The following MOK variants were observed in gnomAD, a reference collection of about 807,000 sequenced individuals.
MOK encodes MAPK/MAK/MRK overlapping kinase.
A neutral mutation model predicts 54.2 loss-of-function variants in MOK; 59 were observed. That is an observed-to-expected ratio of 1.09 (90% confidence interval 0.88 to 1.35). The LOEUF is 1.35. Ranked by LOEUF, MOK falls within the 40% of genes most tolerant of loss-of-function variation. The pLI, the probability that MOK is intolerant of heterozygous loss-of-function variation, is 0.00. For missense variants in MOK, 517 were observed against 526.2 expected (o/e 0.98, Z 0.17); for synonymous variants, 210 against 202.7 (o/e 1.04, Z -0.31).
downstream of MOK, among the ~76,000 whole-genome samples, chr14:102,224,004 A>AC (rs1354852309): frequency 7.3e-5 from 11 of 151,382 alleles, no homozygotes; most frequent in Non-Finnish European, 1.5e-5. Context: ...TGAACATGGG[A>AC]CATGAACTAG....
chr14:102,283,406 C>G (rs1268139692), intron 2 of MOK, 72 bp downstream of exon 2: 3 of 920,458 alleles, frequency 3.3e-6, no homozygotes, highest in African/African-American at 1.7e-5. Flanking sequence ...AAGCTCCCCC[C>G]TAATATTAAG....
At chr14:102,296,072 C>T (rs1440591049) in intron 1 of MOK, among the ~76,000 whole-genome samples, 1 of 151,958 alleles carries the variant, frequency 6.6e-6, no homozygotes, top group East Asian at 1.9e-4. Flanking sequence ...ATGGTGAAAC[C>T]GAGTCTCTAC....
the MOK span, among the ~76,000 whole-genome samples, chr14:102,218,670 A>T: frequency 7.9e-5 from 12 of 152,038 alleles, no homozygotes; most frequent in East Asian, 2.3e-3. Flanking sequence ...TTTTGAACTG[A>T]AGTCTCTAGC....
chr14:102,232,885 C>T lies in MOK; in HGVS notation c.693-177G>A, dbSNP rs2064862989. ...AGGGACCCCTGATGTAAATGATGGGCTCTGTGTAGTAATGAGATATCCACG... is the reference window on the plus strand; with the variant it reads ...AGGGACCCCTGATGTAAATGATGGGTTCTGTGTAGTAATGAGATATCCACG... On this transcript the variant is annotated intron_variant, in intron 8 of 11. Coordinates refer to ENST00000361847, the MANE Select transcript of MOK (RefSeq NM_014226.3). The surrounding 1 kb of genome is among the most constrained non-coding windows in gnomAD (Gnocchi z 5.1). The T allele has an allele frequency of 3.7e-6, 2 of 546,488 alleles. No individual in the cohort carries two copies. The highest frequency in any genetic ancestry group is 3.0e-5 in the East Asian group (1 of 33,392). The allele number at this position is 546,488 out of a possible 1,614,324, so 33.9% of individuals were successfully genotyped here.
At chr14:102,242,378 G>T (rs2065788667) in intron 7 of MOK, among the ~76,000 whole-genome samples, 1 of 152,134 alleles carries the variant, frequency 6.6e-6, no homozygotes, top group African/African-American at 2.4e-5. Context: ...ATTAGGTGGA[G>T]ACATTTTAAC....
chr14:102,275,908 A>G (rs1346038304), intron 2 of MOK, among the ~76,000 whole-genome samples: 1 of 152,202 alleles, frequency 6.6e-6, no homozygotes, highest in African/African-American at 2.4e-5. Context: ...AATTTTTAAA[A>G]TTATTTTTTC....
At position 102,245,912 on chromosome 14, in the gene MOK, C is replaced by A. The variant is rs942456746; in HGVS notation, c.590+4900G>T. The A allele has an allele frequency of 1.3e-5, 2 of 153,060 alleles. No homozygotes were observed. Among genetic ancestry groups the A allele is most frequent in the Non-Finnish European group, 2.9e-5 (2 of 68,072 alleles). The allele number at this position is 153,060 out of a possible 1,614,324, so 9.5% of individuals were successfully genotyped here. On this transcript the variant is annotated intron_variant, in intron 7 of 11. Coordinates refer to ENST00000361847, the MANE Select transcript of MOK (RefSeq NM_014226.3). This position sits in a 1 kb window ranked among gnomAD's most constrained non-coding sequence, Gnocchi z 4.3. ...TATTCCAGCACACTCCTTGGGCCAA[C>A]CTGACTCCGCCTCACATCCATCCCA...
At chr14:102,257,518 T>C (rs928073687) in intron 4 of MOK, among the ~76,000 whole-genome samples, 5 of 152,154 alleles carry the variant, frequency 3.3e-5, no homozygotes, top group Non-Finnish European at 7.3e-5. Flanking sequence ...GGGAGGCTGT[T>C]ATTTGCAACT....
At chr14:102,262,462 T>A (rs971580523) in intron 4 of MOK, among the ~76,000 whole-genome samples, 1 of 152,240 alleles carries the variant, frequency 6.6e-6, no homozygotes, top group Non-Finnish European at 1.5e-5. Flanking sequence ...CAGCTTTATA[T>A]ACATCAACTT....
At chr14:102,222,978 G>A (rs987545461), downstream of MOK, 40 of 1,509,660 alleles carry the variant, frequency 2.6e-5, no homozygotes, top group Middle Eastern at 2.1e-4. This position sits in a 1 kb window ranked among gnomAD's most constrained non-coding sequence, Gnocchi z 4.4. Flanking sequence ...GCCAGCCGGC[G>A]GACCTCAGGC....
At chr14:102,251,562 GCAGT>G in intron 6 of MOK, 190 bp downstream of exon 6, 1 of 657,944 alleles carries the variant, frequency 1.5e-6, no homozygotes. Flanking sequence ...TCTTCCAGGT[GCAGT>G]CAGTTATGTT....
chr14:102,231,974 T>C lies in MOK; in HGVS notation c.867-153A>G. The C allele has an allele frequency of 1.7e-6, 1 of 585,384 alleles. No homozygotes were observed. Among genetic ancestry groups the C allele is most frequent in the South Asian group, 2.4e-5 (1 of 41,192 alleles). The allele number at this position is 585,384 out of a possible 1,614,324, so 36.3% of individuals were successfully genotyped here. On this transcript the variant is annotated intron_variant, in intron 9 of 11. Transcript: ENST00000361847. The surrounding 1 kb of genome is among the most constrained non-coding windows in gnomAD (Gnocchi z 4.4). ...TGTAATCAGGAGCCTTTTTTTTTCTTTTCTGTCTCAGCCTGACAGTCTCTG... is the reference window on the plus strand; with the variant it reads ...TGTAATCAGGAGCCTTTTTTTTTCTCTTCTGTCTCAGCCTGACAGTCTCTG...
At chr14:102,304,916 C>G (rs2072621482) in intron 1 of MOK, 46 bp downstream of exon 1, 2 of 1,566,198 alleles carry the variant, frequency 1.3e-6, no homozygotes, top group East Asian at 4.6e-5. Flanking sequence ...CTCCCTCCCC[C>G]GCCACTCGCT....
At chr14:102,298,622 T>C (rs933724020) in intron 1 of MOK, among the ~76,000 whole-genome samples, 1 of 148,662 alleles carries the variant, frequency 6.7e-6, no homozygotes, top group Admixed American at 6.6e-5. Context: ...AACAGACCAA[T>C]TGGCTCTCTG....
chr14:102,288,540 G>A (rs576605797), intron 1 of MOK, among the ~76,000 whole-genome samples: 11 of 152,322 alleles, frequency 7.2e-5, no homozygotes, highest in African/African-American at 2.6e-4. Flanking sequence ...TGGAATGTGG[G>A]ATAAAGGAGT....
At chr14:102,279,511 G>A (rs1488494483) in intron 2 of MOK, among the ~76,000 whole-genome samples, 2 of 152,028 alleles carry the variant, frequency 1.3e-5, no homozygotes, top group African/African-American at 4.8e-5. Flanking sequence ...TTGCCATGTT[G>A]CCCAGGCTGG....
In MOK at chr14:102,244,625, G is replaced by A. The variant is rs564710188; in HGVS notation, c.590+6187C>T. 2.0e-5 allele frequency among the ~76,000 whole-genome samples: 3 copies of A among 152,244 alleles called. No homozygotes were observed. In the East Asian group the frequency reaches 5.8e-4, roughly 29 times the overall value. On this transcript the variant is annotated intron_variant, in intron 7 of 11. Transcript: ENST00000361847. Reference sequence around the variant, plus strand: ...ACTGGCAAATTGACTTTACTCACATGCCCTGAGTCAGGAAACTAAAATACG... The same window carrying A: ...ACTGGCAAATTGACTTTACTCACATACCCTGAGTCAGGAAACTAAAATACG...
rs767356918 is a variant in MOK at position 102,229,344 on chromosome 14, T to C, written c.1205A>G (p.Lys402Arg). 2.4e-5 allele frequency: 39 copies of C among 1,614,040 alleles called. No individual in the cohort carries two copies. The highest frequency in any genetic ancestry group is 3.1e-5 in the Non-Finnish European group (36 of 1,180,028). The change falls in exon 12 of 12, where the codon AAG becomes AGG. Residue 402 changes from lysine to arginine, a missense_variant. Transcript: ENST00000361847. Reference protein sequence around the residue: ...SKKTDPQKDLKPAPQQCRLPT... With the variant: ...SKKTDPQKDLRPAPQQCRLPT... ...CAGGCGACACTGCTGCGGGGCAGGCTTAAGGTCCTTCTGCGGATCTGTCTG... is the reference window on the plus strand; with the variant it reads ...CAGGCGACACTGCTGCGGGGCAGGCCTAAGGTCCTTCTGCGGATCTGTCTG...
intron 2 of MOK, among the ~76,000 whole-genome samples, chr14:102,280,288 A>G (rs2069282285): frequency 6.6e-6 from 1 of 152,074 alleles, no homozygotes; most frequent in Non-Finnish European, 1.5e-5. Flanking sequence ...AACTCATTGC[A>G]GCATCACCTT....
Sources: gnomAD v4.1 joint callset for allele counts (sites outside exome capture counted in the v4.1 genomes callset) on GRCh38, gnomAD v4.1.1 for gene constraint, Gnocchi (gnomAD v3.1) non-coding constraint, MANE v1.5 for transcripts, NCBI Gene and HGNC (gene_info 2026-07-23, HGNC 2026-07-21) for gene names.